MEI4: variants seen among roughly 807,000 people sequenced by gnomAD.
MEI4 encodes the protein meiotic double-stranded break formation protein 4.
In MEI4, 27 loss-of-function variants were observed where a neutral mutation model predicts 31.4. The ratio of observed to expected loss-of-function variants is 0.86; its 90% confidence interval spans 0.63 to 1.19. The LOEUF is 1.19. Among genes scored for constraint, MEI4 ranks in the 50% most tolerant of loss-of-function variants. The pLI, the probability that MEI4 is intolerant of heterozygous loss-of-function variation, is 0.00. For missense variants in MEI4, 329 were observed against 398.9 expected (o/e 0.82, Z 1.49); for synonymous variants, 122 against 145.4 (o/e 0.84, Z 1.16).
chr6:77,745,923 G>A (rs569945062), intron 2 of MEI4, among the ~76,000 whole-genome samples: 249 of 152,088 alleles, frequency 1.6e-3, no homozygotes, highest in African/African-American at 5.7e-3. Context: ...TGAAACCAAC[G>A]AGAACAAAGA....
chr6:77,727,012 G>T (rs1483053), intron 2 of MEI4, among the ~76,000 whole-genome samples: 14,004 of 152,126 alleles, frequency 0.092, 933 homozygotes, highest in East Asian at 0.31. Flanking sequence ...GAGGGAAGGG[G>T]GACATGTGTT....
chr6:77,739,199 T>C (rs1268250118), intron 2 of MEI4, among the ~76,000 whole-genome samples: 1 of 135,618 alleles, frequency 7.4e-6, no homozygotes, highest in Non-Finnish European at 1.5e-5. Flanking sequence ...TCTTCTAGGG[T>C]TTTTTTTGGT....
chr6:77,769,590 A>G (rs1768258254), intron 3 of MEI4, among the ~76,000 whole-genome samples: 1 of 151,886 alleles, frequency 6.6e-6, no homozygotes, highest in South Asian at 2.1e-4. Flanking sequence ...TACCTCCAAG[A>G]CCCCTTCCAT....
At chr6:77,797,963 C>T (rs985143203) in intron 3 of MEI4, among the ~76,000 whole-genome samples, 6 of 152,050 alleles carry the variant, frequency 3.9e-5, no homozygotes, top group Admixed American at 3.9e-4. Context: ...AAGTAAGAGT[C>T]TCACACACAC....
chr6:77,778,575 G>A (rs1474244591), intron 3 of MEI4, among the ~76,000 whole-genome samples: 10 of 151,800 alleles, frequency 6.6e-5, no homozygotes, highest in East Asian at 3.9e-4. Flanking sequence ...TATGGCGAGC[G>A]TCTGTAGTCT....
intron 4 of MEI4, among the ~76,000 whole-genome samples, chr6:77,831,662 A>C (rs935446275): frequency 2.1e-4 from 32 of 151,980 alleles, no homozygotes; most frequent in Non-Finnish European, 4.6e-4. Context: ...AGCATAGAAA[A>C]ACAAATACTG....
At chr6:77,744,837 T>G (rs1767538683) in intron 2 of MEI4, among the ~76,000 whole-genome samples, 1 of 152,140 alleles carries the variant, frequency 6.6e-6, no homozygotes, top group Non-Finnish European at 1.5e-5. Flanking sequence ...AGGAAAGAAT[T>G]TTCAACCCAG....
intron 1 of MEI4, among the ~76,000 whole-genome samples, chr6:77,687,100 AG>A (rs1284925305): frequency 1.3e-5 from 2 of 152,032 alleles, no homozygotes; most frequent in African/African-American, 4.8e-5. Flanking sequence ...GGAAAATCCA[AG>A]GTCATATGTA....
intron 2 of MEI4, among the ~76,000 whole-genome samples, chr6:77,708,622 T>G (rs1766385519): frequency 6.6e-6 from 1 of 152,186 alleles, no homozygotes. Flanking sequence ...TGATCCCCAG[T>G]GTTGAAGGTG....
chr6:77,855,633 G>A (rs941618621), intron 4 of MEI4, among the ~76,000 whole-genome samples: 1 of 152,140 alleles, frequency 6.6e-6, no homozygotes, highest in African/African-American at 2.4e-5. Flanking sequence ...TTCCAGAAAA[G>A]TCTAACCCCT....
chr6:77,740,426 A>G (rs1381258917), intron 2 of MEI4, among the ~76,000 whole-genome samples: 1 of 152,198 alleles, frequency 6.6e-6, no homozygotes, highest in African/African-American at 2.4e-5. Flanking sequence ...GTCTCCCACT[A>G]TTACTGCAAT....
At chr6:77,904,154 T>C (rs1393944768) in intron 4 of MEI4, among the ~76,000 whole-genome samples, 1 of 152,158 alleles carries the variant, frequency 6.6e-6, no homozygotes, top group Non-Finnish European at 1.5e-5. Flanking sequence ...CAATTACTTA[T>C]TTTTCCCTAG....
intron 4 of MEI4, among the ~76,000 whole-genome samples, chr6:77,911,726 T>C (rs1388095056): frequency 1.4e-5 from 2 of 147,416 alleles, no homozygotes; most frequent in Non-Finnish European, 3.0e-5. Flanking sequence ...ATTTTATTTA[T>C]ATATATAATA....
intron 4 of MEI4, among the ~76,000 whole-genome samples, chr6:77,839,151 T>G (rs1770295761): frequency 6.6e-6 from 1 of 152,158 alleles, no homozygotes; most frequent in Non-Finnish European, 1.5e-5. Context: ...CATTATGAGC[T>G]GGAGAGTATG....
At chr6:77,801,028 C>G (rs1769240447) in intron 3 of MEI4, among the ~76,000 whole-genome samples, 1 of 151,246 alleles carries the variant, frequency 6.6e-6, no homozygotes, top group African/African-American at 2.4e-5. Flanking sequence ...GGGAGGATTC[C>G]CTCTTTTTCT....
At chr6:77,882,014 A>C (rs1016494926) in intron 4 of MEI4, among the ~76,000 whole-genome samples, 2 of 152,236 alleles carry the variant, frequency 1.3e-5, no homozygotes, top group Non-Finnish European at 2.9e-5. Flanking sequence ...TCAGATGCCA[A>C]CTGTAAGTTC....
intron 3 of MEI4, among the ~76,000 whole-genome samples, chr6:77,802,406 G>T (rs1462289558): frequency 6.6e-6 from 1 of 151,980 alleles, no homozygotes; most frequent in Non-Finnish European, 1.5e-5. Context: ...CACACTAATG[G>T]GTCTTGACTC....
Position 77,800,278 on chromosome 6 carries a change from A to G in MEI4, c.769-28653A>G, listed in dbSNP as rs567780811. 5.1e-3 allele frequency among the ~76,000 whole-genome samples: 772 copies of G among 152,252 alleles called. 6 individuals are homozygous for G. The highest frequency in any genetic ancestry group is 0.018 in the African/African-American group (753 of 41,512). Reference sequence around the variant, plus strand: ...AGCAATTGTGAATGGGAGTTCACTCATGATTCGGCTCTCTGTTTGTCTGTT... The same window carrying G: ...AGCAATTGTGAATGGGAGTTCACTCGTGATTCGGCTCTCTGTTTGTCTGTT... On this transcript the variant is annotated intron_variant, in intron 3 of 4. Coordinates refer to ENST00000684080, the MANE Select transcript of MEI4 (RefSeq NM_001322247.2).
At chr6:77,785,210 A>G (rs1768700210) in intron 3 of MEI4, among the ~76,000 whole-genome samples, 1 of 152,124 alleles carries the variant, frequency 6.6e-6, no homozygotes, top group African/African-American at 2.4e-5. Flanking sequence ...ATGTTTTTGG[A>G]GGCACTTTGT....
Sources: gnomAD v4.1 joint callset for allele counts (sites outside exome capture counted in the v4.1 genomes callset) on GRCh38, gnomAD v4.1.1 for gene constraint, MANE v1.5 for transcripts, NCBI Gene and HGNC (gene_info 2026-07-23, HGNC 2026-07-21) for gene names.